ADCY5: variants seen among roughly 807,000 people sequenced by gnomAD.
The protein encoded by ADCY5 is adenylate cyclase type 5.
Under a neutral mutation model 119.7 loss-of-function variants are expected in ADCY5, and 30 were observed. The ratio of observed to expected loss-of-function variants is 0.25; its 90% CI spans 0.19 to 0.34. The LOEUF is 0.34. ADCY5 is among the 10% of genes least tolerant of loss of function. ADCY5 has a pLI of 1.00. For synonymous variants in ADCY5, 753 were observed against 762.2 expected, an observed-to-expected ratio of 0.99 and a Z score of 0.20; for missense variants, 1,324 against 1,775.2, an observed-to-expected ratio of 0.75 and a Z score of 4.57.
chr3:123,414,760 T>C (rs559405451), intron 1 of ADCY5, among the ~76,000 whole-genome samples: 117 of 152,280 alleles, frequency 7.7e-4, no homozygotes, highest in African/African-American at 2.7e-3. Context: ...TTTCACCACA[T>C]TGCCCATGCT....
intron 3 of ADCY5, among the ~76,000 whole-genome samples, chr3:123,337,945 G>C (rs1233527163): frequency 6.6e-6 from 1 of 152,184 alleles, no homozygotes; most frequent in African/African-American, 2.4e-5. Flanking sequence ...GGAGTCTCAA[G>C]CATGTCACCT....
chr3:123,407,134 A>ACTCTGACC, intron 1 of ADCY5, among the ~76,000 whole-genome samples: 1 of 151,376 alleles, frequency 6.6e-6, no homozygotes, highest in Middle Eastern at 3.4e-3. Flanking sequence ...TTATCCTCCC[A>ACTCTGACC]CTCTGACCTC....
At chr3:123,413,911 C>G (rs972858261) in intron 1 of ADCY5, among the ~76,000 whole-genome samples, 1 of 152,190 alleles carries the variant, frequency 6.6e-6, no homozygotes, top group Non-Finnish European at 1.5e-5. Flanking sequence ...TGCACCCCAG[C>G]CCAGCTGCGA....
intron 8 of ADCY5, among the ~76,000 whole-genome samples, chr3:123,321,027 T>C (rs749853812): frequency 4.6e-5 from 7 of 152,140 alleles, no homozygotes; most frequent in Admixed American, 6.5e-5. Flanking sequence ...GCACAATCCA[T>C]GTGTCTAAGC....
chr3:123,302,392 A>T (rs1243279394), intron 14 of ADCY5, among the ~76,000 whole-genome samples: 1 of 152,226 alleles, frequency 6.6e-6, no homozygotes, highest in African/African-American at 2.4e-5. Context: ...CTAAAATTAG[A>T]TGATGATGAT....
At position 123,328,819 on chromosome 3, in the gene ADCY5, A is replaced by G. The variant is rs9855969; in HGVS notation, c.1647-17T>C. ...CGGACCAACCTGGGGATGGAGCAGGAGTAAAGCTGGGAGAAGGCTGGAGGC... is the reference window on the plus strand; with the variant it reads ...CGGACCAACCTGGGGATGGAGCAGGGGTAAAGCTGGGAGAAGGCTGGAGGC... On this transcript the variant is annotated splice_polypyrimidine_tract_variant and intron_variant, in intron 5 of 20. Transcript: ENST00000462833. 0.85 allele frequency: 1,371,624 copies of G among 1,612,720 alleles called. 584,392 individuals are homozygous for G. The highest frequency in any genetic ancestry group is 0.97 in the East Asian group (43,582 of 44,872).
chr3:123,339,670 C>T (rs1942183287), intron 3 of ADCY5, among the ~76,000 whole-genome samples: 3 of 152,136 alleles, frequency 2.0e-5, no homozygotes, highest in South Asian at 4.1e-4. Flanking sequence ...GGTCCTAGGT[C>T]GAGGCATGTC....
At chr3:123,319,523 T>C in intron 10 of ADCY5, 151 bp downstream of exon 10, 1 of 918,750 alleles carries the variant, frequency 1.1e-6, no homozygotes. Flanking sequence ...AGAACTCGCA[T>C]CTCTCTAGGT....
chr3:123,360,661 T>A (rs537459750), intron 1 of ADCY5, among the ~76,000 whole-genome samples: 16 of 152,212 alleles, frequency 1.1e-4, no homozygotes, highest in Non-Finnish European at 1.9e-4. Context: ...GATTCTAAAG[T>A]GTAATGTTTA....
intron 8 of ADCY5, among the ~76,000 whole-genome samples, chr3:123,323,009 G>A (rs1056236040): frequency 2.6e-5 from 4 of 152,158 alleles, no homozygotes; most frequent in East Asian, 3.9e-4. Context: ...TTCCAGGCAC[G>A]TTAGCATGGA....
chr3:123,410,096 G>A (rs1434718801), intron 1 of ADCY5, among the ~76,000 whole-genome samples: 1 of 152,200 alleles, frequency 6.6e-6, no homozygotes, highest in Non-Finnish European at 1.5e-5. Flanking sequence ...CACATGAGCA[G>A]GTGCTGGATC....
At chr3:123,404,293 A>G (rs1050026357) in intron 1 of ADCY5, 1 of 152,232 alleles carries the variant, frequency 6.6e-6, no homozygotes, top group Admixed American at 6.5e-5. Context: ...CTCAAAAAAG[A>G]GACAGTTCCC....
intron 7 of ADCY5, among the ~76,000 whole-genome samples, chr3:123,326,507 A>G (rs1481942694): frequency 2.0e-5 from 3 of 152,226 alleles, no homozygotes; most frequent in Admixed American, 2.0e-4. Context: ...ACCAAGAGCC[A>G]GGGAACTCAG....
chr3:123,365,738 G>A (rs2107517095), intron 1 of ADCY5, among the ~76,000 whole-genome samples: 1 of 152,334 alleles, frequency 6.6e-6, no homozygotes, highest in South Asian at 2.1e-4. Context: ...TAGAGGAGGA[G>A]TTGAGCTGTA....
chr3:123,297,103 G>T, intron 16 of ADCY5: 1 of 1,492,468 alleles, frequency 6.7e-7, no homozygotes, highest in South Asian at 1.2e-5. Context: ...CCTATGGGAT[G>T]ATCTGAAGCC....
chr3:123,287,917 G>A (rs1223182273), intron 19 of ADCY5, among the ~76,000 whole-genome samples: 2 of 152,320 alleles, frequency 1.3e-5, no homozygotes, highest in Admixed American at 1.3e-4. Context: ...TCCAATCAAG[G>A]AGTTGAGGCT....
intron 1 of ADCY5, among the ~76,000 whole-genome samples, chr3:123,440,820 A>AG: frequency 6.6e-6 from 1 of 152,154 alleles, no homozygotes; most frequent in East Asian, 1.9e-4. Context: ...TCAAAAAGGA[A>AG]GGGGGGATTG....
chr3:123,397,777 G>A (rs1354760002), intron 1 of ADCY5, among the ~76,000 whole-genome samples: 2 of 152,194 alleles, frequency 1.3e-5, no homozygotes, highest in Non-Finnish European at 2.9e-5. Context: ...TCAAATCAGA[G>A]GGGAGGAGGT....
chr3:123,334,079 G>A (rs1168728867), intron 3 of ADCY5, among the ~76,000 whole-genome samples: 1 of 152,156 alleles, frequency 6.6e-6, no homozygotes, highest in African/African-American at 2.4e-5. Flanking sequence ...AAGTCCCCAG[G>A]ACCAGAATCT....
Sources: gnomAD v4.1 joint callset for allele counts (sites outside exome capture counted in the v4.1 genomes callset) on GRCh38, gnomAD v4.1.1 for gene constraint, MANE v1.5 for transcripts, NCBI Gene and HGNC (gene_info 2026-07-23, HGNC 2026-07-21) for gene names.